The following NRXN1 variants were observed in gnomAD, a reference collection of about 807,000 sequenced individuals.
NRXN1 encodes the protein neurexin-1.
A neutral mutation model predicts 150.9 loss-of-function variants in NRXN1; 39 were observed. The observed-to-expected ratio is 0.26, with a 90% CI of 0.20 to 0.34. The LOEUF (loss-of-function observed/expected upper bound fraction) is 0.34. Among genes scored for constraint, NRXN1 ranks in the 10% least tolerant of loss-of-function variants. The pLI is 1.00. For missense variants in NRXN1, 1,815 were observed against 1,949.9 expected, an observed-to-expected ratio of 0.93 and a Z score of 1.30; for synonymous variants, 924 against 757.0, an observed-to-expected ratio of 1.22 and a Z score of -3.62.
intron 5 of NRXN1, among the ~76,000 whole-genome samples, chr2:50,865,277 C>G (rs527943287): frequency 1.3e-5 from 2 of 151,956 alleles, no homozygotes; most frequent in African/African-American, 2.4e-5. Context: ...CTAGAAATCC[C>G]TTGCTATCCT....
chr2:50,088,411 A>G (rs1270250657), intron 19 of NRXN1, among the ~76,000 whole-genome samples: 1 of 152,278 alleles, frequency 6.6e-6, no homozygotes, highest in East Asian at 1.9e-4. Flanking sequence ...TTAACTTTTT[A>G]TATGTATATA....
At chr2:49,924,389 G>A (rs1471537269) in intron 22 of NRXN1, among the ~76,000 whole-genome samples, 3 of 152,030 alleles carry the variant, frequency 2.0e-5, no homozygotes, top group Admixed American at 6.6e-5. Flanking sequence ...TTTATATTTT[G>A]TATACTAAGA....
intron 5 of NRXN1, among the ~76,000 whole-genome samples, chr2:50,644,625 T>C (rs1161837714): frequency 6.6e-6 from 1 of 151,572 alleles, no homozygotes; most frequent in Non-Finnish European, 1.5e-5. Flanking sequence ...CCAGGTTTGA[T>C]CTCTTTATTT....
At chr2:50,588,333 TTAAAC>T (rs1462825250) in intron 8 of NRXN1, among the ~76,000 whole-genome samples, 2 of 152,106 alleles carry the variant, frequency 1.3e-5, no homozygotes, top group African/African-American at 4.8e-5. Flanking sequence ...AAAAATAACA[TTAAAC>T]TAAATAGTAA....
chr2:50,813,688 T>A (rs1303603136), intron 5 of NRXN1, among the ~76,000 whole-genome samples: 1 of 152,136 alleles, frequency 6.6e-6, no homozygotes, highest in Non-Finnish European at 1.5e-5. Context: ...GTGCATTGAT[T>A]GTAGATTAAA....
intron 18 of NRXN1, among the ~76,000 whole-genome samples, chr2:50,156,379 A>T (rs1357334073): frequency 6.6e-6 from 1 of 151,876 alleles, no homozygotes; most frequent in Non-Finnish European, 1.5e-5. Context: ...GTTTTAGGTT[A>T]GGTTTTACCA....
chr2:50,870,546 C>G (rs569205082), intron 5 of NRXN1, among the ~76,000 whole-genome samples: 2 of 151,914 alleles, frequency 1.3e-5, no homozygotes, highest in African/African-American at 2.4e-5. Context: ...ACTTACTATT[C>G]TTTTGCATAA....
At chr2:49,929,003 C>T (rs1669647403) in intron 22 of NRXN1, among the ~76,000 whole-genome samples, 1 of 152,162 alleles carries the variant, frequency 6.6e-6, no homozygotes, top group Non-Finnish European at 1.5e-5. Context: ...CCTTTGCTAC[C>T]TGCCTGGCTG....
At chr2:50,137,047 T>C (rs17039973) in intron 18 of NRXN1, among the ~76,000 whole-genome samples, 11,195 of 152,202 alleles carry the variant, frequency 0.074, 1,370 homozygotes, top group African/African-American at 0.26. Context: ...CAGTTGAGTA[T>C]TTGGCTTTGA....
chr2:50,786,518 T>A (rs1705136967), intron 5 of NRXN1, among the ~76,000 whole-genome samples: 1 of 152,106 alleles, frequency 6.6e-6, no homozygotes, highest in Non-Finnish European at 1.5e-5. Flanking sequence ...CTAATGATCC[T>A]TTCTTTATCT....
chr2:50,073,856 T>A (rs993355378), intron 19 of NRXN1, among the ~76,000 whole-genome samples: 1 of 152,198 alleles, frequency 6.6e-6, no homozygotes, highest in East Asian at 1.9e-4. Context: ...ATTAGTTTGA[T>A]ATTTTATCGA....
At chr2:50,612,221 T>A (rs1394449460) in intron 8 of NRXN1, among the ~76,000 whole-genome samples, 1 of 147,552 alleles carries the variant, frequency 6.8e-6, no homozygotes, top group Admixed American at 7.0e-5. Context: ...ATAGGGATAG[T>A]ATTTATGTGT....
chr2:50,628,161 G>C (rs1005438323), intron 5 of NRXN1, among the ~76,000 whole-genome samples: 2 of 151,674 alleles, frequency 1.3e-5, no homozygotes, highest in African/African-American at 4.8e-5. Context: ...CTCAACAAAG[G>C]TTTTGTTTGC....
intron 5 of NRXN1, among the ~76,000 whole-genome samples, chr2:50,701,243 C>G (rs1693701834): frequency 6.6e-6 from 1 of 152,084 alleles, no homozygotes; most frequent in Non-Finnish European, 1.5e-5. Flanking sequence ...ATCTCTGTCT[C>G]TTATCTGTCC....
intron 18 of NRXN1, among the ~76,000 whole-genome samples, chr2:50,220,131 C>G (rs1166595919): frequency 6.7e-6 from 1 of 148,432 alleles, no homozygotes. Context: ...TAACACAAAG[C>G]ATAATCAGCC....
intron 5 of NRXN1, among the ~76,000 whole-genome samples, chr2:50,632,045 T>C (rs10172718): frequency 0.53 from 80,637 of 151,724 alleles, 21,602 homozygotes; most frequent in East Asian, 0.67. Flanking sequence ...TATAATAATG[T>C]TATTATATTC....
chr2:50,657,409 A>G (rs1296026483), intron 5 of NRXN1, among the ~76,000 whole-genome samples: 1 of 152,080 alleles, frequency 6.6e-6, no homozygotes, highest in Non-Finnish European at 1.5e-5. Context: ...ACTACTGAGT[A>G]TACCATAGTT....
chr2:49,954,940 C>G (rs2104489769), intron 21 of NRXN1, among the ~76,000 whole-genome samples: 1 of 152,226 alleles, frequency 6.6e-6, no homozygotes, highest in South Asian at 2.1e-4. Context: ...GACATAATCA[C>G]TCAAAAACCT....
chr2:50,793,114 T>C (rs903531147), intron 5 of NRXN1, among the ~76,000 whole-genome samples: 2 of 152,150 alleles, frequency 1.3e-5, no homozygotes, highest in Non-Finnish European at 2.9e-5. Context: ...CATTTTGAGA[T>C]GATATGATTT....
Sources: allele counts gnomAD v4.1 joint callset (sites outside exome capture counted in the v4.1 genomes callset), GRCh38; gene constraint gnomAD v4.1.1; transcripts MANE v1.5; gene names NCBI Gene and HGNC (gene_info 2026-07-23, HGNC 2026-07-21).